Variants in TRRAP observed in about 807,000 individuals in gnomAD.
The protein encoded by TRRAP is transformation/transcription domain associated protein.
In TRRAP, 41 loss-of-function variants were observed where a neutral mutation model predicts 438.8. The observed-to-expected ratio is 0.09, with a 90% CI of 0.07 to 0.12. TRRAP has a LOEUF of 0.12. TRRAP is among the 10% of genes least tolerant of loss of function. The pLI, the probability that TRRAP is intolerant of heterozygous loss-of-function variation, is 1.00. For missense variants in TRRAP, 3,122 were observed against 5,055.1 expected, an observed-to-expected ratio of 0.62 and a Z score of 11.60; for synonymous variants, 1,994 against 1,962.9, an observed-to-expected ratio of 1.02 and a Z score of -0.42.
intron 20 of TRRAP, among the ~76,000 whole-genome samples, chr7:98,921,451 C>T (rs1364920796): frequency 6.6e-6 from 1 of 152,114 alleles, no homozygotes; most frequent in African/African-American, 2.4e-5. Flanking sequence ...TCTCAGCTCA[C>T]TACAACCTTC....
chr7:98,955,525 G>A (rs1404363652), intron 41 of TRRAP, among the ~76,000 whole-genome samples: 1 of 152,134 alleles, frequency 6.6e-6, no homozygotes, highest in Non-Finnish European at 1.5e-5. Context: ...TGCGTCTGAG[G>A]CTACATTTCT....
In TRRAP at chr7:98,994,687, A is replaced by G. The variant is rs1285285350; in HGVS notation, c.10148A>G (p.Asn3383Ser). 1.9e-6 allele frequency: 3 copies of G among 1,614,182 alleles called. No individual in the cohort carries two copies. Among genetic ancestry groups the G allele is most frequent in the Non-Finnish European group, 2.5e-6 (3 of 1,180,040 alleles). ...GCTAAAATCACCCCCCACACTCTCAATTTTGTGAAGAAGTTGGTGAGCACG... is the reference window on the plus strand; with the variant it reads ...GCTAAAATCACCCCCCACACTCTCAGTTTTGTGAAGAAGTTGGTGAGCACG... Reference protein sequence around the residue: ...SDAKITPHTLNFVKKLVSTFG... With the variant: ...SDAKITPHTLSFVKKLVSTFG... Residue 3383 changes from asparagine to serine, a missense_variant, in exon 67 of 73, where the codon AAT becomes AGT. Asn to Ser is a conservative substitution (Grantham distance 46). This residue lies in a region of TRRAP where 107 missense variants were observed against 327.5 expected (regional missense o/e 0.33). Transcript: ENST00000456197. The surrounding 1 kb of genome is among the most constrained non-coding windows in gnomAD (Gnocchi z 4.8).
intron 26 of TRRAP, 47 bp downstream of exon 26, chr7:98,931,712 G>A (rs781922481): frequency 1.3e-6 from 2 of 1,585,886 alleles, no homozygotes; most frequent in Non-Finnish European, 1.7e-6. Flanking sequence ...CAAAACTTTT[G>A]AGCCTTTTTT....
intron 20 of TRRAP, among the ~76,000 whole-genome samples, chr7:98,918,377 C>T (rs1465820132): frequency 1.3e-5 from 2 of 151,738 alleles, no homozygotes; most frequent in Admixed American, 6.6e-5. Context: ...ACTACAGACG[C>T]GTACCACCAT....
intron 13 of TRRAP, among the ~76,000 whole-genome samples, 195 bp downstream of exon 13, chr7:98,906,450 T>A (rs948355391): frequency 1.5e-4 from 22 of 142,490 alleles, no homozygotes; most frequent in Non-Finnish European, 9.2e-5. Context: ...TTATTTATTT[T>A]GAGGCCGAGT....
intron 20 of TRRAP, among the ~76,000 whole-genome samples, chr7:98,918,120 C>CAAAA (rs113483218): frequency 8.6e-6 from 1 of 116,274 alleles, no homozygotes. Context: ...GACCCTGTCT[C>CAAAA]AAAAAAAAAA....
intron 44 of TRRAP, 21 bp downstream of exon 44, chr7:98,958,112 G>A (rs201091767): frequency 1.1e-5 from 17 of 1,601,920 alleles, no homozygotes; most frequent in South Asian, 1.1e-5. Flanking sequence ...CAAGTGCCCT[G>A]CGTTAGGGCT....
chr7:98,979,483 C>T (rs1350521084), intron 58 of TRRAP, among the ~76,000 whole-genome samples: 2 of 152,184 alleles, frequency 1.3e-5, no homozygotes, highest in Admixed American at 6.5e-5. Flanking sequence ...ATGCTTAGTA[C>T]AGATGCAGTT....
chr7:98,959,484 G>C lies in TRRAP; in HGVS notation c.6483G>C (p.Met2161Ile). ...LKLQWFDKLL[M>I]TVEQPNQVNY... The stretch of plus-strand genomic sequence containing the variant: ...TGCAGTGGTTCGACAAGCTGCTGAT[G>C]ACTGTGGTGAGTGCGAGTGTCTGAA... The change falls in exon 45 of 73, where the codon ATG becomes ATC. Residue 2161 changes from methionine (M) to isoleucine (I), a missense_variant. By Grantham distance (10) the Met-to-Ile change is conservative. Around this residue, in one of 24 missense-constraint regions of TRRAP, gnomAD observed 992 missense variants for 1,281.2 expected, o/e 0.77. Coordinates refer to ENST00000456197, the MANE Select transcript of TRRAP (RefSeq NM_001375524.1). 1 of 1,613,754 alleles carries C rather than the reference G, an allele frequency of 6.2e-7. No homozygotes were observed. The highest frequency in any genetic ancestry group is 8.5e-7 in the Non-Finnish European group (1 of 1,179,840).
Position 98,892,525 on chromosome 7 carries a change from A to G in TRRAP, c.363A>G (p.Leu121=). The change falls in exon 5 of 73, where the codon TTA becomes TTG. Residue 121 remains leucine, a synonymous_variant. Transcript: ENST00000456197. The part of the protein sequence containing the change: ...KNVLSVMFRF[L]ETENEENVLI... Reference sequence around the variant, plus strand: ...TTTTGTCTGTGATGTTTCGCTTTTTAGAGGTAAGTTTTGAGAATTAATTCT... The same window carrying G: ...TTTTGTCTGTGATGTTTCGCTTTTTGGAGGTAAGTTTTGAGAATTAATTCT... 6.2e-7 allele frequency: 1 copy of G among 1,607,170 alleles called. No homozygotes were observed. Among genetic ancestry groups the G allele is most frequent in the Non-Finnish European group, 8.5e-7 (1 of 1,177,680 alleles).
At chr7:98,969,805 T>C (rs1792328553) in intron 51 of TRRAP, among the ~76,000 whole-genome samples, 7 of 152,038 alleles carry the variant, frequency 4.6e-5, no homozygotes. Flanking sequence ...AGGACGAGTC[T>C]GGGGGTGAGG....
In TRRAP at chr7:99,011,554, C is replaced by G. The variant is rs753376210; in HGVS notation, c.11337+19C>G. ...CTTTAAGGTGGGTCTCCACGTCGTC[C>G]TATCACAGGCGCAGGCTAGAGCCAC... On this transcript the variant is annotated intron_variant, in intron 72 of 72. Coordinates refer to ENST00000456197, the MANE Select transcript of TRRAP (RefSeq NM_001375524.1). This position sits in a 1 kb window ranked among gnomAD's most constrained non-coding sequence, Gnocchi z 7.1. 1 of 1,608,020 alleles carries G rather than the reference C, an allele frequency of 6.2e-7. No individual in the cohort carries two copies.
At chr7:98,920,417 C>A (rs1347466766) in intron 20 of TRRAP, among the ~76,000 whole-genome samples, 1 of 151,664 alleles carries the variant, frequency 6.6e-6, no homozygotes, top group Non-Finnish European at 1.5e-5. Context: ...TTGCAGTGAG[C>A]CGAGATTGCA....
intron 60 of TRRAP, 21 bp from the exon 61 acceptor site, chr7:98,984,072 A>T: frequency 3.8e-6 from 6 of 1,563,498 alleles, no homozygotes; most frequent in Non-Finnish European, 5.2e-6. Context: ...TGGGCTAATG[A>T]TTCCTTTCTT....
rs181072214 is a variant in TRRAP at position 98,954,125 on chromosome 7, G to A, written c.5730+692G>A. 1.5e-4 allele frequency among the ~76,000 whole-genome samples: 23 copies of A among 152,244 alleles called. No homozygotes were observed. The East Asian group carries it at 2.9e-3, about 19-fold the overall frequency. ...TGTTGCTGTGCAGCTGGTATTGAGC[G>A]CCTCTTCCTGGAGTACCTCGGTGGT... is the stretch of plus-strand genomic sequence containing the variant. On this transcript the variant is annotated intron_variant, in intron 40 of 72. Coordinates refer to ENST00000456197, the MANE Select transcript of TRRAP (RefSeq NM_001375524.1).
intron 30 of TRRAP, among the ~76,000 whole-genome samples, chr7:98,940,901 C>G (rs1173296899): frequency 6.6e-6 from 1 of 152,170 alleles, no homozygotes; most frequent in Non-Finnish European, 1.5e-5. Flanking sequence ...CCCTCATAAG[C>G]CTTCGAGTTT....
intron 48 of TRRAP, among the ~76,000 whole-genome samples, chr7:98,965,012 G>T (rs73711457): frequency 0.01 from 1,554 of 152,322 alleles, 28 homozygotes; most frequent in African/African-American, 0.035. Flanking sequence ...GCTCCTCAGC[G>T]GGCTGAGGCA....
chr7:98,949,710 C>T lies in TRRAP; in HGVS notation c.5004C>T (p.His1668=). 1 of 1,614,082 alleles carries T rather than the reference C, an allele frequency of 6.2e-7. No individual in the cohort carries two copies. The change falls in exon 37 of 73, where the codon CAC becomes CAT. Residue 1668 remains histidine, a synonymous_variant. Coordinates refer to ENST00000456197, the MANE Select transcript of TRRAP (RefSeq NM_001375524.1). ...ATGACTCCTGGCTGGCCAGCCAGCA[C>T]TCTCTGGTGAGCCAGTTGCGACGTG... ...KNDDSWLASQ[H]SLVSQLRRVW...
chr7:98,974,479 C>T (rs151242632), intron 53 of TRRAP, among the ~76,000 whole-genome samples: 2 of 152,268 alleles, frequency 1.3e-5, no homozygotes, highest in Non-Finnish European at 2.9e-5. Context: ...AGCAACCCCT[C>T]GCTGGGCTCT....
Sources: allele counts gnomAD v4.1 joint callset (sites outside exome capture counted in the v4.1 genomes callset), GRCh38; gene constraint gnomAD v4.1.1; regional missense constraint gnomAD v4.1.1; non-coding constraint Gnocchi (gnomAD v3.1); transcripts MANE v1.5; gene names NCBI Gene and HGNC (gene_info 2026-07-23, HGNC 2026-07-21).